The following MBD2 variants were observed in gnomAD, a reference collection of about 807,000 sequenced individuals.
The protein encoded by MBD2 is methyl-CpG binding domain protein 2.
MBD2 carries 9 observed loss-of-function variants against 39.3 expected under a neutral mutation model. The observed-to-expected ratio is 0.23, with a 90% CI of 0.14 to 0.40. MBD2 has a LOEUF of 0.40. Ranked by LOEUF, MBD2 falls within the 10% of genes least tolerant of loss-of-function variation. The pLI is 1.00. For missense variants in MBD2, 458 were observed against 532.6 expected (o/e 0.86, Z 1.38); for synonymous variants, 233 against 211.1 (o/e 1.10, Z -0.90).
intron 2 of MBD2, among the ~76,000 whole-genome samples, chr18:54,200,922 T>TA (rs2086402510): frequency 6.6e-6 from 1 of 151,586 alleles, no homozygotes; most frequent in African/African-American, 2.4e-5. Context: ...TACTAAGAAA[T>TA]ACAAAAAATT....
At chr18:54,192,672 C>A (rs2086329866) in intron 2 of MBD2, among the ~76,000 whole-genome samples, 1 of 152,156 alleles carries the variant, frequency 6.6e-6, no homozygotes, top group Non-Finnish European at 1.5e-5. Flanking sequence ...CTCATTGTTA[C>A]CAAGGATGAC....
chr18:54,218,141 A>G (rs150987042), intron 1 of MBD2, among the ~76,000 whole-genome samples: 5 of 152,362 alleles, frequency 3.3e-5, no homozygotes, highest in Admixed American at 6.5e-5. Flanking sequence ...TCTGTACGGT[A>G]TATTTCAACT....
chr18:54,187,930 C>T lies in MBD2; in HGVS notation c.840+944G>A, dbSNP rs552941800. On this transcript the variant is annotated intron_variant, in intron 3 of 6. Transcript: ENST00000256429. The stretch of plus-strand genomic sequence containing the variant: ...ACTGTCTGAAAGTTTTGGCCCAATC[C>T]TTTATGAAGTCTGGAGATGAGACAC... 5.1e-5 allele frequency: 44 copies of T among 868,988 alleles called. 1 individual carries two copies. In the South Asian group the frequency reaches 2.0e-3, roughly 39 times the overall value. 53.8% of individuals were successfully genotyped at this position (868,988 alleles called of 1,614,324 possible). A position where few individuals can be genotyped will look rare whatever the true frequency, so the allele number is the denominator to read the frequency against.
intron 3 of MBD2, among the ~76,000 whole-genome samples, chr18:54,170,885 G>T (rs2086174937): frequency 6.6e-6 from 1 of 152,148 alleles, no homozygotes; most frequent in African/African-American, 2.4e-5. Flanking sequence ...GAAATTGTAT[G>T]GGCAAGGAGG....
Position 54,164,735 on chromosome 18 carries a change from G to A in MBD2, c.932-35C>T, listed in dbSNP as rs773605614. ...GAAACAAGTACTAGTTAAAGGAAAT[G>A]TCTCAATGTGCTGAGCAAACTTTAT... On this transcript the variant is annotated intron_variant, in intron 4 of 6. Coordinates refer to ENST00000256429, the MANE Select transcript of MBD2 (RefSeq NM_003927.5). 12 of 1,558,678 alleles carry A rather than the reference G, an allele frequency of 7.7e-6. No individual in the cohort carries two copies. The Admixed American group carries it at 1.2e-4, about 15-fold the overall frequency.
At chr18:54,168,830 C>T (rs951010279) in intron 3 of MBD2, among the ~76,000 whole-genome samples, 2 of 151,978 alleles carry the variant, frequency 1.3e-5, no homozygotes. Flanking sequence ...TCACTGAAAA[C>T]TGAAACAGTC....
chr18:54,218,309 T>G (rs142385903), intron 1 of MBD2, among the ~76,000 whole-genome samples: 1 of 152,350 alleles, frequency 6.6e-6, no homozygotes, highest in African/African-American at 2.4e-5. Flanking sequence ...CCTCCAGGAT[T>G]ATTTAAAGCT....
intron 2 of MBD2, among the ~76,000 whole-genome samples, chr18:54,203,565 G>C (rs1307277183): frequency 6.6e-6 from 1 of 152,150 alleles, no homozygotes; most frequent in Non-Finnish European, 1.5e-5. Flanking sequence ...CTAAACAAAG[G>C]ACCTGCCAAT....
At chr18:54,157,408 C>T (rs187920277) in intron 6 of MBD2, among the ~76,000 whole-genome samples, 1 of 152,084 alleles carries the variant, frequency 6.6e-6, no homozygotes, top group Non-Finnish European at 1.5e-5. Context: ...TTACAGGTGC[C>T]CGCCACCATG....
At chr18:54,210,597 A>T (rs2086495612) in intron 1 of MBD2, among the ~76,000 whole-genome samples, 1 of 152,196 alleles carries the variant, frequency 6.6e-6, no homozygotes, top group Non-Finnish European at 1.5e-5. Context: ...CAGGGCTCTA[A>T]ATAAACACAA....
chr18:54,194,823 TC>T (rs1342143285), intron 2 of MBD2, among the ~76,000 whole-genome samples: 13 of 152,070 alleles, frequency 8.5e-5, no homozygotes, highest in Admixed American at 3.3e-4. Context: ...AATTTAACAA[TC>T]AGTCAACATC....
intron 1 of MBD2, chr18:54,222,329 A>G: frequency 1.9e-6 from 1 of 518,060 alleles, no homozygotes; most frequent in Non-Finnish European, 3.9e-6. Context: ...GTCCCAGGGC[A>G]AGGATGCCAA....
rs533350689 is a variant in MBD2 at position 54,198,469 on chromosome 18, CT to C, written c.702+6528del. 7.9e-5 allele frequency among the ~76,000 whole-genome samples: 12 copies of C among 152,328 alleles called. 1 individual carries two copies. The South Asian group carries it at 2.5e-3, about 32-fold the overall frequency. ...GTGGCTCACGCCTGTAATCCTAGCA[CT>C]TTGGAAGCCAAGGCAGGTGGATCGC... On this transcript the variant is annotated intron_variant, in intron 2 of 6. Transcript: ENST00000256429.
chr18:54,175,057 C>A (rs676800), intron 3 of MBD2, among the ~76,000 whole-genome samples: 61,089 of 152,150 alleles, frequency 0.4, 12,577 homozygotes, highest in East Asian at 0.57. Flanking sequence ...AGAAAATTCA[C>A]CAAACTGAGC....
intron 3 of MBD2, among the ~76,000 whole-genome samples, chr18:54,177,584 C>T (rs1339118789): frequency 6.6e-6 from 1 of 152,060 alleles, no homozygotes; most frequent in Admixed American, 6.5e-5. Context: ...GCGTTCACGC[C>T]ATTCTCCTGC....
chr18:54,215,447 CA>C (rs1266471949), intron 1 of MBD2, among the ~76,000 whole-genome samples: 1 of 151,374 alleles, frequency 6.6e-6, no homozygotes, highest in Non-Finnish European at 1.5e-5. Flanking sequence ...TAGATAGAAA[CA>C]TAGCCTCCCA....
At chr18:54,186,133 A>T (rs1240002566) in intron 3 of MBD2, among the ~76,000 whole-genome samples, 2 of 152,114 alleles carry the variant, frequency 1.3e-5, no homozygotes, top group Non-Finnish European at 2.9e-5. Flanking sequence ...TAATATTCAG[A>T]AGCCTAATCC....
chr18:54,154,678 C>G lies in MBD2; in HGVS notation c.*646G>C, dbSNP rs574137434. 1 of 152,314 alleles carries G rather than the reference C, an allele frequency of 6.6e-6. No individual in the cohort carries two copies. The highest frequency in any genetic ancestry group is 2.4e-5 in the African/African-American group (1 of 41,432). 9.4% of individuals were successfully genotyped at this position (152,314 alleles called of 1,614,324 possible). A position where few individuals can be genotyped will look rare whatever the true frequency, so the allele number is the denominator to read the frequency against. On this transcript the variant is annotated 3_prime_UTR_variant, in exon 7 of 7. Coordinates refer to ENST00000256429, the MANE Select transcript of MBD2 (RefSeq NM_003927.5). ...TCTGGTGAAAGCACAATTCTCACAA[C>G]GTCCAGAGGCAATAGTTCATACTGC...
chr18:54,198,219 A>G (rs2086380549), intron 2 of MBD2, among the ~76,000 whole-genome samples: 2 of 152,196 alleles, frequency 1.3e-5, no homozygotes, highest in African/African-American at 4.8e-5. Context: ...TCAGGCAGAA[A>G]TAAGTCAACC....
Sources: allele counts gnomAD v4.1 joint callset (sites outside exome capture counted in the v4.1 genomes callset), GRCh38; gene constraint gnomAD v4.1.1; transcripts MANE v1.5; gene names NCBI Gene and HGNC (gene_info 2026-07-23, HGNC 2026-07-21).